The following SLC35F1 variants were observed in gnomAD, a reference collection of about 807,000 sequenced individuals.
SLC35F1 encodes solute carrier family 35 member F1.
A neutral mutation model predicts 48.7 loss-of-function variants in SLC35F1; 14 were observed. That is an observed-to-expected ratio of 0.29 (90% CI 0.19 to 0.45). The LOEUF (loss-of-function observed/expected upper bound fraction) is 0.45. SLC35F1 is among the 20% of genes least tolerant of loss of function. SLC35F1 has a pLI of 1.00. For synonymous variants in SLC35F1, 190 were observed against 202.2 expected, an observed-to-expected ratio of 0.94 and a Z score of 0.51; for missense variants, 404 against 500.0, an observed-to-expected ratio of 0.81 and a Z score of 1.83.
chr6:118,212,727 A>G (rs867037515), intron 2 of SLC35F1, among the ~76,000 whole-genome samples: 1 of 93,722 alleles, frequency 1.1e-5, no homozygotes, highest in South Asian at 5.1e-4. Context: ...GGAAGGAAGG[A>G]AAGGAAGGAA....
chr6:117,993,906 C>T (rs1776951830), intron 1 of SLC35F1, among the ~76,000 whole-genome samples: 1 of 152,172 alleles, frequency 6.6e-6, no homozygotes, highest in Admixed American at 6.5e-5. Flanking sequence ...TTACCACATA[C>T]TTAGTGACTT....
At chr6:118,184,681 G>T (rs865853377) in intron 2 of SLC35F1, among the ~76,000 whole-genome samples, 3 of 152,174 alleles carry the variant, frequency 2.0e-5, no homozygotes, top group East Asian at 1.9e-4. Context: ...GAAGGACTTT[G>T]CAGGAAAACA....
chr6:118,125,959 A>G (rs1386461120), intron 1 of SLC35F1, among the ~76,000 whole-genome samples: 1 of 152,176 alleles, frequency 6.6e-6, no homozygotes, highest in Non-Finnish European at 1.5e-5. Flanking sequence ...CTTTATTCCT[A>G]GGGCAATAGG....
rs546100068 is a variant in SLC35F1, at chr6:118,154,921, T to C, written c.349+301T>C. Among the ~76,000 whole-genome samples, 16 of 152,304 alleles carry C rather than the reference T, an allele frequency of 1.1e-4. No homozygotes were observed. In the South Asian group the frequency reaches 2.5e-3, roughly 24 times the overall value. On this transcript the variant is annotated intron_variant, in intron 2 of 7. Coordinates refer to ENST00000360388, the MANE Select transcript of SLC35F1 (RefSeq NM_001029858.4). ...CTCTCAGTGGAATTAAATGAGTTTT[T>C]CCCTGGAACTTGGAACAGGCCTGAT...
chr6:118,184,338 A>T (rs951537997), intron 2 of SLC35F1, among the ~76,000 whole-genome samples: 3 of 152,158 alleles, frequency 2.0e-5, no homozygotes, highest in Non-Finnish European at 4.4e-5. Flanking sequence ...TTTCCCAGAA[A>T]TCCAGTCCAA....
intron 1 of SLC35F1, among the ~76,000 whole-genome samples, chr6:118,059,317 C>T (rs971219370): frequency 5.3e-5 from 8 of 152,186 alleles, no homozygotes; most frequent in African/African-American, 1.9e-4. Flanking sequence ...GGGAAAATGG[C>T]AGAAGAATAC....
intron 1 of SLC35F1, among the ~76,000 whole-genome samples, chr6:117,982,842 T>C (rs1776798963): frequency 1.3e-5 from 2 of 152,200 alleles, no homozygotes; most frequent in Admixed American, 1.3e-4. Flanking sequence ...GTAGTTTTTT[T>C]TTCTCCAAAT....
intron 1 of SLC35F1, among the ~76,000 whole-genome samples, chr6:118,033,608 C>A (rs538537917): frequency 1.3e-5 from 1 of 76,948 alleles, no homozygotes; most frequent in African/African-American, 4.7e-5. Flanking sequence ...TATACATTCA[C>A]ACTAGTTTTT....
At chr6:117,978,612 C>A (rs1173290143) in intron 1 of SLC35F1, among the ~76,000 whole-genome samples, 1 of 152,120 alleles carries the variant, frequency 6.6e-6, no homozygotes, top group Non-Finnish European at 1.5e-5. Flanking sequence ...TGCTTCAGAC[C>A]TAAGTCAGCT....
At chr6:118,288,655 G>A (rs980846971) in intron 7 of SLC35F1, among the ~76,000 whole-genome samples, 2 of 152,112 alleles carry the variant, frequency 1.3e-5, no homozygotes, top group African/African-American at 4.8e-5. Context: ...TGATATTAAT[G>A]CCAGTTGGCT....
chr6:118,181,426 C>A (rs1774576770), intron 2 of SLC35F1, among the ~76,000 whole-genome samples: 1 of 151,728 alleles, frequency 6.6e-6, no homozygotes, highest in South Asian at 2.1e-4. Flanking sequence ...TCTTAAGTAA[C>A]CACTAAAAGA....
At position 118,317,593 on chromosome 6, in the gene SLC35F1, A is replaced by G. The variant is rs1321946085; in HGVS notation, c.*3341A>G. 1 of 152,206 alleles carries G rather than the reference A, an allele frequency of 6.6e-6. No homozygotes were observed. Among genetic ancestry groups the G allele is most frequent in the Non-Finnish European group, 1.5e-5 (1 of 68,024 alleles). 9.4% of individuals were successfully genotyped at this position (152,206 alleles called of 1,614,324 possible). On this transcript the variant is annotated 3_prime_UTR_variant, in exon 8 of 8. Transcript: ENST00000360388. ...CAAACTGTCCATTTTTGATATTTGC[A>G]TGCTCCCCTATGGACTGGCTGTGGC...
At position 118,055,008 on chromosome 6, in the gene SLC35F1, C is replaced by T. The variant is rs191857115; in HGVS notation, c.174-99437C>T. ...GCCAGGATGGTCTCGATCTCCTGAC[C>T]GCGTGATCCGCCTGCCTCGGCCTCC... On this transcript the variant is annotated intron_variant, in intron 1 of 7. Transcript: ENST00000360388. Among the ~76,000 whole-genome samples the T allele has an allele frequency of 1.0e-3, 156 of 152,234 alleles. 2 individuals are homozygous for T. The East Asian group carries it at 0.021, about 21-fold the overall frequency.
chr6:118,028,852 T>C (rs932853977), intron 1 of SLC35F1, among the ~76,000 whole-genome samples: 1 of 152,070 alleles, frequency 6.6e-6, no homozygotes, highest in South Asian at 2.1e-4. Context: ...AAGATAGCAA[T>C]TGACCCTATC....
intron 1 of SLC35F1, among the ~76,000 whole-genome samples, chr6:118,074,240 C>A (rs1423459448): frequency 6.6e-6 from 1 of 152,160 alleles, no homozygotes; most frequent in African/African-American, 2.4e-5. Flanking sequence ...TCACTACAAC[C>A]TTCTTAAGCT....
intron 1 of SLC35F1, among the ~76,000 whole-genome samples, chr6:117,911,139 T>C (rs1366163089): frequency 6.6e-6 from 1 of 152,130 alleles, no homozygotes; most frequent in African/African-American, 2.4e-5. Flanking sequence ...AACAGTTAGA[T>C]TAGAATGTAA....
At chr6:117,915,078 A>G (rs1438451753) in intron 1 of SLC35F1, among the ~76,000 whole-genome samples, 1 of 152,240 alleles carries the variant, frequency 6.6e-6, no homozygotes, top group Non-Finnish European at 1.5e-5. Flanking sequence ...CTGACAGTGC[A>G]TAGGCAACTT....
chr6:118,299,591 A>G (rs1410080596), intron 7 of SLC35F1, among the ~76,000 whole-genome samples: 1 of 152,234 alleles, frequency 6.6e-6, no homozygotes, highest in Non-Finnish European at 1.5e-5. Context: ...TCTATTAACT[A>G]CTGTCATTTC....
chr6:118,196,159 C>A (rs1262215989), intron 2 of SLC35F1, among the ~76,000 whole-genome samples: 1 of 152,108 alleles, frequency 6.6e-6, no homozygotes, highest in Non-Finnish European at 1.5e-5. Flanking sequence ...TTGGCATTTG[C>A]CTTATTTGAA....
Sources: gnomAD v4.1 joint callset for allele counts (sites outside exome capture counted in the v4.1 genomes callset) on GRCh38, gnomAD v4.1.1 for gene constraint, MANE v1.5 for transcripts, NCBI Gene and HGNC (gene_info 2026-07-23, HGNC 2026-07-21) for gene names.